Variants in BTD observed in about 807,000 individuals in gnomAD.
BTD encodes the protein biotinidase, also known as biocytinase.
Under a neutral mutation model 17.7 loss-of-function variants are expected in BTD, and 13 were observed. The observed-to-expected ratio is 0.74, with a 90% CI of 0.48 to 1.17. The LOEUF is 1.17. Ranked by LOEUF, BTD falls within the 50% of genes most tolerant of loss-of-function variation. The pLI is 0.00. For missense variants in BTD, 674 were observed against 650.4 expected (o/e 1.04, Z -0.39); for synonymous variants, 240 against 245.2 (o/e 0.98, Z 0.20).
chr3:15,612,580 G>A (rs113501194), intron 1 of BTD, among the ~76,000 whole-genome samples: 218 of 152,102 alleles, frequency 1.4e-3, no homozygotes, highest in African/African-American at 5.1e-3. Flanking sequence ...GCTATCTGCC[G>A]ATGTTGATGT....
chr3:15,668,771 T>A (rs2066114840), intron 3 of BTD: 2 of 152,692 alleles, frequency 1.3e-5, no homozygotes, highest in Non-Finnish European at 2.9e-5. Flanking sequence ...AAAATACTGT[T>A]CTGTGTTTTC....
chr3:15,667,667 G>A (rs771653111), intron 3 of BTD: 7 of 152,206 alleles, frequency 4.6e-5, no homozygotes, highest in Non-Finnish European at 8.8e-5. Flanking sequence ...GTACTTTGGG[G>A]TTTCCCTTCA....
rs749981714 is a variant in BTD, at chr3:15,694,809, A to G, written c.400-15251A>G. 7 of 1,613,276 alleles carry G rather than the reference A, an allele frequency of 4.3e-6. No individual in the cohort carries two copies. The South Asian group carries it at 7.7e-5, about 18-fold the overall frequency. ...CAGCATGTCTGTTCCTGAGGTTTCCATTAACTGAAAAAGAAGAGGCATTTT... is the reference window on the plus strand; with the variant it reads ...CAGCATGTCTGTTCCTGAGGTTTCCGTTAACTGAAAAAGAAGAGGCATTTT... On this transcript the variant is annotated intron_variant, in intron 3 of 3. Coordinates refer to the BTD transcript ENST00000672141.
At chr3:15,677,704 TA>T in intron 3 of BTD, 1 of 527,790 alleles carries the variant, frequency 1.9e-6, no homozygotes. Context: ...TTGTAATATA[TA>T]ACATATATAT....
At chr3:15,686,667 A>T (rs1179642152) in intron 3 of BTD, among the ~76,000 whole-genome samples, 2 of 152,170 alleles carry the variant, frequency 1.3e-5, no homozygotes, top group Non-Finnish European at 2.9e-5. Context: ...CAATCACAAG[A>T]ACCCCATTCT....
At chr3:15,609,726 T>G (rs1336182194) in intron 1 of BTD, among the ~76,000 whole-genome samples, 4 of 152,236 alleles carry the variant, frequency 2.6e-5, no homozygotes, top group Non-Finnish European at 5.9e-5. Flanking sequence ...TTTACATCTG[T>G]TGCACATTTC....
chr3:15,605,836 G>C (rs2064432805), intron 1 of BTD, among the ~76,000 whole-genome samples: 1 of 152,084 alleles, frequency 6.6e-6, no homozygotes. Flanking sequence ...CTGAGGTCAG[G>C]AGTTCGAGGC....
At chr3:15,624,212 G>A (rs970996653) in intron 1 of BTD, among the ~76,000 whole-genome samples, 18 of 151,278 alleles carry the variant, frequency 1.2e-4, no homozygotes, top group African/African-American at 4.1e-4. Flanking sequence ...TTTTATTTTC[G>A]TTTTTGGCAG....
intron 3 of BTD, among the ~76,000 whole-genome samples, chr3:15,679,055 G>C (rs1217092065): frequency 6.6e-6 from 1 of 152,022 alleles, no homozygotes; most frequent in Non-Finnish European, 1.5e-5. Context: ...GCTCACTGTT[G>C]CCTCAAACTC....
chr3:15,653,655 A>G lies in BTD; in HGVS notation c.*8167A>G, dbSNP rs763594754. Among the ~76,000 whole-genome samples the G allele has an allele frequency of 1.5e-4, 23 of 152,374 alleles. No individual in the cohort carries two copies. The highest frequency in any genetic ancestry group is 5.9e-4 in the Admixed American group (9 of 15,304). ...TGAAATTCCTATTCAGTGATCTGGA[A>G]GAACTCTAATGTTCTAAAGTGATTC... On this transcript the variant is annotated 3_prime_UTR_variant, in exon 4 of 4. Transcript: ENST00000643237.
downstream of BTD, among the ~76,000 whole-genome samples, chr3:15,716,279 G>GA (rs1428822129): frequency 6.8e-6 from 1 of 146,364 alleles, no homozygotes; most frequent in African/African-American, 2.6e-5. Context: ...ACCGCACCTG[G>GA]ACTTTTTTTT....
At chr3:15,677,515 T>C in intron 3 of BTD, 3 of 1,613,144 alleles carry the variant, frequency 1.9e-6, no homozygotes, top group Non-Finnish European at 8.5e-7. Context: ...GTATTTTTAC[T>C]GTTATCTTGT....
intron 3 of BTD, among the ~76,000 whole-genome samples, chr3:15,675,126 C>A (rs1219795431): frequency 6.6e-6 from 1 of 152,088 alleles, no homozygotes; most frequent in Non-Finnish European, 1.5e-5. Context: ...AAAATTTAGC[C>A]AGGCGTCGTG....
downstream of BTD, among the ~76,000 whole-genome samples, chr3:15,713,090 T>C (rs764311901): frequency 3.3e-5 from 5 of 151,950 alleles, no homozygotes; most frequent in Non-Finnish European, 5.9e-5. Context: ...CTGACCAAAA[T>C]GGGGGTGGGG....
Position 15,650,437 on chromosome 3 carries a change from CAAA to C in BTD, c.*4959_*4961del, listed in dbSNP as rs3048217. Among the ~76,000 whole-genome samples the C allele has an allele frequency of 1.1e-4, 17 of 149,986 alleles. No homozygotes were observed. The highest frequency in any genetic ancestry group is 1.3e-4 in the Admixed American group (2 of 15,126). On this transcript the variant is annotated 3_prime_UTR_variant, in exon 4 of 4. Coordinates refer to ENST00000643237, the MANE Select transcript of BTD (RefSeq NM_001370658.1). Reference sequence around the variant, plus strand: ...CTTCATCTTTTTCTTTTTGTTTGAGCAAAAAAAAAAAAGAATATATTAACTCGT... The same window carrying C: ...CTTCATCTTTTTCTTTTTGTTTGAGCAAAAAAAAAGAATATATTAACTCGT...
At chr3:15,608,262 A>AACAT (rs1386682629) in intron 1 of BTD, among the ~76,000 whole-genome samples, 2 of 152,114 alleles carry the variant, frequency 1.3e-5, no homozygotes, top group African/African-American at 4.8e-5. Context: ...AACAGAAGGA[A>AACAT]TGTTGTTCCC....
At chr3:15,607,669 T>TA (rs1299003705) in intron 1 of BTD, among the ~76,000 whole-genome samples, 2 of 152,226 alleles carry the variant, frequency 1.3e-5, no homozygotes, top group Admixed American at 6.5e-5. Flanking sequence ...AATGTTTACT[T>TA]ATCAAATGAG....
intron 3 of BTD, among the ~76,000 whole-genome samples, chr3:15,664,356 C>CTT (rs2065956628): frequency 6.6e-6 from 1 of 152,202 alleles, no homozygotes; most frequent in Admixed American, 6.5e-5. Flanking sequence ...AGAGCTCTAG[C>CTT]TTTGTTTTGT....
intron 1 of BTD, among the ~76,000 whole-genome samples, chr3:15,609,291 G>A (rs1044042606): frequency 4.6e-5 from 7 of 152,306 alleles, no homozygotes; most frequent in African/African-American, 1.7e-4. Context: ...AAACCCCCGT[G>A]TGTCCTTTCC....
Sources: allele counts gnomAD v4.1 joint callset (sites outside exome capture counted in the v4.1 genomes callset), GRCh38; gene constraint gnomAD v4.1.1; transcripts MANE v1.5; gene names NCBI Gene and HGNC (gene_info 2026-07-23, HGNC 2026-07-21).